The following CDC20 variants were observed in gnomAD, a reference collection of about 807,000 sequenced individuals.
CDC20 encodes the protein cell division cycle 20.
A neutral mutation model predicts 60.0 loss-of-function variants in CDC20; 34 were observed. The observed-to-expected ratio is 0.57, with a 90% CI of 0.43 to 0.75. The LOEUF (loss-of-function observed/expected upper bound fraction) is 0.75. CDC20 is among the 30% of genes least tolerant of loss of function. The pLI, the probability that CDC20 is intolerant of heterozygous loss-of-function variation, is 0.00. For synonymous variants in CDC20, 198 were observed against 243.5 expected, an observed-to-expected ratio of 0.81 and a Z score of 1.74; for missense variants, 469 against 647.3, an observed-to-expected ratio of 0.72 and a Z score of 2.99.
chr1:43,360,027 G>C lies in CDC20; in HGVS notation c.486G>C (p.Arg162=). Residue 162 remains arginine, a synonymous_variant, in exon 5 of 11, where the codon CGG becomes CGC. Coordinates refer to ENST00000310955, the MANE Select transcript of CDC20 (RefSeq NM_001255.3). The part of the protein sequence containing the change: ...YSQKATPGSS[R]KTCRYIPSLP... ...AAAAGGCCACTCCTGGCTCCAGCCG[G>C]AAGACCTGCCGTTACATTCCTTCCC... 6.2e-7 allele frequency: 1 copy of C among 1,614,178 alleles called. No homozygotes were observed. The highest frequency in any genetic ancestry group is 8.5e-7 in the Non-Finnish European group (1 of 1,180,030).
Position 43,362,959 on chromosome 1 carries a change from TC to T in CDC20, c.1333del (p.Arg445GlyfsTer3). 6.3e-7 allele frequency: 1 copy of T among 1,594,444 alleles called. No individual in the cohort carries two copies. The highest frequency in any genetic ancestry group is 8.5e-7 in the Non-Finnish European group (1 of 1,174,040). On this transcript the variant is annotated frameshift_variant, in exon 11 of 11. Transcript: ENST00000310955. LOFTEE classifies it high-confidence loss of function. ...AKVAELKGHTSRVLSLTMSPD... is the reference protein window; with the variant it reads ...AKVAELKGHTXRVLSLTMSPD... Reference sequence around the variant, plus strand: ...GTTCTCATTTGCTCCAGGTCACACATCCCGGGTCCTGAGTCTGACCATGAGC... The same window carrying T: ...GTTCTCATTTGCTCCAGGTCACACATCCGGGTCCTGAGTCTGACCATGAGC...
Position 43,360,577 on chromosome 1 carries a change from A to G in CDC20, c.832A>G (p.Ser278Gly), listed in dbSNP as rs1647168235. 6.2e-7 allele frequency: 1 copy of G among 1,613,772 alleles called. No homozygotes were observed. The highest frequency in any genetic ancestry group is 1.3e-5 in the African/African-American group (1 of 74,938). The change falls in exon 7 of 11, where the codon AGC becomes GGC. Residue 278 changes from serine (S) to glycine (G), a missense_variant. By Grantham distance (56) the Ser-to-Gly change is moderately conservative (BLOSUM62 0). Transcript: ENST00000310955. ...CCGAGTGGGCTCCCTAAGCTGGAAC[A>G]GCTATATCCTGTCCAGGTCAGTGGT... ...SARVGSLSWN[S>G]YILSSGSRSG...
Position 43,362,947 on chromosome 1 carries a change from C to G in CDC20, c.1322-4C>G, listed in dbSNP as rs1647179589. The G allele has an allele frequency of 6.3e-7, 1 of 1,586,922 alleles. No homozygotes were observed. Among genetic ancestry groups the G allele is most frequent in the Non-Finnish European group, 8.5e-7 (1 of 1,170,646 alleles). ...TTCGTATGTACTGTTCTCATTTGCTCCAGGTCACACATCCCGGGTCCTGAG... is the reference window on the plus strand; with the variant it reads ...TTCGTATGTACTGTTCTCATTTGCTGCAGGTCACACATCCCGGGTCCTGAG... On this transcript the variant is annotated splice_polypyrimidine_tract_variant and splice_region_variant and intron_variant, in intron 10 of 10. Coordinates refer to ENST00000310955, the MANE Select transcript of CDC20 (RefSeq NM_001255.3).
intron 10 of CDC20, 80 bp from the exon 11 acceptor site, chr1:43,362,867 CAAAA>C: frequency 9.3e-7 from 1 of 1,070,918 alleles, no homozygotes; most frequent in Non-Finnish European, 1.3e-6. Context: ...TCAAAAAAAA[CAAAA>C]AGGTAGGTGG....
At position 43,360,448 on chromosome 1, in the gene CDC20, G is replaced by A. The variant is rs45584136; in HGVS notation, c.754-51G>A. 7.1e-4 allele frequency: 1,146 copies of A among 1,608,310 alleles called. 11 individuals carry two copies. In the African/African-American group the frequency reaches 0.013, roughly 19 times the overall value. Reference sequence around the variant, plus strand: ...TCCCAATGGGCTTGCACAGCTGGAGGATATTAATGCCAAGTCCCAATCTCT... The same window carrying A: ...TCCCAATGGGCTTGCACAGCTGGAGAATATTAATGCCAAGTCCCAATCTCT... On this transcript the variant is annotated intron_variant, in intron 6 of 10. Transcript: ENST00000310955.
In CDC20 at chr1:43,360,605, T is replaced by TA; in HGVS notation, c.848+12_848+13insA. Reference sequence around the variant, plus strand: ...TATATCCTGTCCAGGTCAGTGGTTTTTGTTGGTCTATGGTAGTCTGATATT... The same window carrying TA: ...TATATCCTGTCCAGGTCAGTGGTTTTATGTTGGTCTATGGTAGTCTGATATT... On this transcript the variant is annotated intron_variant, in intron 7 of 10. Coordinates refer to ENST00000310955, the MANE Select transcript of CDC20 (RefSeq NM_001255.3). The TA allele has an allele frequency of 6.2e-7, 1 of 1,610,396 alleles. No homozygotes were observed. Among genetic ancestry groups the TA allele is most frequent in the South Asian group, 1.1e-5 (1 of 91,008 alleles).
chr1:43,362,357 T>C lies in CDC20; in HGVS notation c.1321+45T>C, dbSNP rs768138175. ...GCCGGACATAAAAGGCCACATAATGTATGACTGAAATGTCCAGAATAAGCA... is the reference window on the plus strand; with the variant it reads ...GCCGGACATAAAAGGCCACATAATGCATGACTGAAATGTCCAGAATAAGCA... On this transcript the variant is annotated intron_variant, in intron 10 of 10. Coordinates refer to ENST00000310955, the MANE Select transcript of CDC20 (RefSeq NM_001255.3). The C allele has an allele frequency of 3.6e-6, 3 of 830,958 alleles. No individual in the cohort carries two copies. The African/African-American group carries it at 5.0e-5, about 14-fold the overall frequency. 51.5% of individuals were successfully genotyped at this position (830,958 alleles called of 1,614,324 possible). A position where few individuals can be genotyped will look rare whatever the true frequency, so the allele number is the denominator to read the frequency against.
chr1:43,361,168 G>A lies in CDC20; in HGVS notation c.1126G>A (p.Gly376Ser). The A allele has an allele frequency of 6.2e-7, 1 of 1,613,996 alleles. No homozygotes were observed. The highest frequency in any genetic ancestry group is 8.5e-7 in the Non-Finnish European group (1 of 1,179,934). ...WQSNVLATGGGTSDRHIRIWN... is the reference protein window; with the variant it reads ...WQSNVLATGGSTSDRHIRIWN... The stretch of plus-strand genomic sequence containing the variant: ...GTCCAATGTCCTGGCAACAGGAGGG[G>A]GCACCAGTGATCGACACATTCGCAT... The change falls in exon 9 of 11, where the codon GGC (glycine) becomes AGC (serine). Residue 376 changes from glycine to serine, a missense_variant. Transcript: ENST00000310955.
chr1:43,359,958 C>T lies in CDC20; in HGVS notation c.428-11C>T, dbSNP rs369743696. ...ATTTTCCCAGCGTCTAGACTCACTC[C>T]GTTGCCACAGGTTATCAGAACAGAC... On this transcript the variant is annotated splice_polypyrimidine_tract_variant and intron_variant, in intron 4 of 10. Coordinates refer to ENST00000310955, the MANE Select transcript of CDC20 (RefSeq NM_001255.3). 6 of 1,613,936 alleles carry T rather than the reference C, an allele frequency of 3.7e-6. No individual in the cohort carries two copies. Among genetic ancestry groups the T allele is most frequent in the Middle Eastern group, 1.6e-4 (1 of 6,084 alleles).
At chr1:43,360,616 T>C (rs1255865234) in intron 7 of CDC20, 23 bp downstream of exon 7, 1 of 1,601,792 alleles carries the variant, frequency 6.2e-7, no homozygotes, top group Non-Finnish European at 8.6e-7. Context: ...TGTTGGTCTA[T>C]GGTAGTCTGA....
At chr1:43,362,427 G>C (rs1647176813) in intron 10 of CDC20, 115 bp downstream of exon 10, 1 of 620,788 alleles carries the variant, frequency 1.6e-6, no homozygotes, top group Admixed American at 2.8e-5. Context: ...GGCTGAGAGA[G>C]GGTAATGGGA....
At position 43,363,202 on chromosome 1, in the gene CDC20, A is replaced by C. The variant is rs1276853315; in HGVS notation, c.*73A>C. The C allele has an allele frequency of 6.9e-7, 1 of 1,447,144 alleles. No homozygotes were observed. The highest frequency in any genetic ancestry group is 9.6e-7 in the Non-Finnish European group (1 of 1,044,702). The allele number at this position is 1,447,144 out of a possible 1,614,324, so 89.6% of individuals were successfully genotyped here. A position where few individuals can be genotyped will look rare whatever the true frequency, so the allele number is the denominator to read the frequency against. Reference sequence around the variant, plus strand: ...TGTCTCCCTTCATGTTTTTTTTTTAAATCTGTTTCAGCTAATGCCTTTCTT... The same window carrying C: ...TGTCTCCCTTCATGTTTTTTTTTTACATCTGTTTCAGCTAATGCCTTTCTT... On this transcript the variant is annotated 3_prime_UTR_variant, in exon 11 of 11. Coordinates refer to ENST00000310955, the MANE Select transcript of CDC20 (RefSeq NM_001255.3).
At chr1:43,362,371 C>T (rs769025243) in intron 10 of CDC20, 59 bp downstream of exon 10, 9 of 748,790 alleles carry the variant, frequency 1.2e-5, no homozygotes, top group Non-Finnish European at 2.2e-5. Flanking sequence ...ACTGAAATGT[C>T]CAGAATAAGC....
intron 9 of CDC20, among the ~76,000 whole-genome samples, 199 bp downstream of exon 9, chr1:43,361,444 A>G (rs1438495183): frequency 1.3e-5 from 2 of 151,992 alleles, no homozygotes; most frequent in Non-Finnish European, 2.9e-5. Flanking sequence ...ATCTGTCCCA[A>G]ATTAACCTTG....
At position 43,360,831 on chromosome 1, in the gene CDC20, G is replaced by T. The variant is rs753367774; in HGVS notation, c.947G>T (p.Arg316Leu). The stretch of plus-strand genomic sequence containing the variant: ...CACAGCCAGGAAGTGTGTGGGCTGC[G>T]CTGGGCCCCAGATGGACGACATTTG... ...SGHSQEVCGLRWAPDGRHLAS... is the reference protein window; with the variant it reads ...SGHSQEVCGLLWAPDGRHLAS... Residue 316 changes from arginine to leucine, a missense_variant, in exon 8 of 11, where the codon CGC (arginine) becomes CTC (leucine). Arg to Leu is a moderately radical substitution (Grantham distance 102). Coordinates refer to ENST00000310955, the MANE Select transcript of CDC20 (RefSeq NM_001255.3). 6.2e-7 allele frequency: 1 copy of T among 1,614,120 alleles called. No individual in the cohort carries two copies. Among genetic ancestry groups the T allele is most frequent in the Admixed American group, 1.7e-5 (1 of 60,038 alleles).
chr1:43,362,846 CAG>C lies in CDC20; in HGVS notation c.1322-102_1322-101del, dbSNP rs1453927919. ...CGCCACTGCACTCCAGCCTGGGTGA[CAG>C]AGCAAGTCTCAAAAAAAACAAAAAG... On this transcript the variant is annotated intron_variant, in intron 10 of 10. Transcript: ENST00000310955. The C allele has an allele frequency of 8.8e-6, 7 of 797,184 alleles. No individual in the cohort carries two copies. The East Asian group carries it at 1.4e-4, about 15-fold the overall frequency. The allele number at this position is 797,184 out of a possible 1,614,324, so 49.4% of individuals were successfully genotyped here.
At position 43,360,030 on chromosome 1, in the gene CDC20, G is replaced by A. The variant is rs777550029; in HGVS notation, c.489G>A (p.Lys163=). Residue 163 remains lysine, a synonymous_variant, in exon 5 of 11, where the codon AAG becomes AAA. Coordinates refer to ENST00000310955, the MANE Select transcript of CDC20 (RefSeq NM_001255.3). The stretch of plus-strand genomic sequence containing the variant: ...AGGCCACTCCTGGCTCCAGCCGGAA[G>A]ACCTGCCGTTACATTCCTTCCCTGC... ...SQKATPGSSR[K]TCRYIPSLPD... 6.2e-7 allele frequency: 1 copy of A among 1,614,206 alleles called. No homozygotes were observed. The highest frequency in any genetic ancestry group is 8.5e-7 in the Non-Finnish European group (1 of 1,180,042).
In CDC20 at chr1:43,363,180, C is replaced by T. The variant is rs1487166849; in HGVS notation, c.*51C>T. 2 of 1,530,294 alleles carry T rather than the reference C, an allele frequency of 1.3e-6. No homozygotes were observed. Among genetic ancestry groups the T allele is most frequent in the Non-Finnish European group, 1.8e-6 (2 of 1,116,834 alleles). 94.8% of individuals were successfully genotyped at this position (1,530,294 alleles called of 1,614,324 possible). A position where few individuals can be genotyped will look rare whatever the true frequency, so the allele number is the denominator to read the frequency against. On this transcript the variant is annotated 3_prime_UTR_variant, in exon 11 of 11. Transcript: ENST00000310955. ...TTTTATTTTTCTAATAAAGTCATGT[C>T]TCCCTTCATGTTTTTTTTTTAAATC...
chr1:43,360,284 C>T lies in CDC20; in HGVS notation c.648C>T (p.Ile216=), dbSNP rs1302547237. ...TGTGGAGTGCAAGCTCTGGTGACAT[C>T]CTGCAGCTTTTGCAAATGGAGCAGC... ...VYLWSASSGD[I]LQLLQMEQPG... Residue 216 remains isoleucine, a synonymous_variant, in exon 6 of 11, where the codon ATC becomes ATT. Transcript: ENST00000310955. 11 of 1,614,162 alleles carry T rather than the reference C, an allele frequency of 6.8e-6. No individual in the cohort carries two copies. The highest frequency in any genetic ancestry group is 8.5e-6 in the Non-Finnish European group (10 of 1,180,004).
Sources: gnomAD v4.1 joint callset for allele counts (sites outside exome capture counted in the v4.1 genomes callset) on GRCh38, gnomAD v4.1.1 for gene constraint, MANE v1.5 for transcripts, NCBI Gene and HGNC (gene_info 2026-07-23, HGNC 2026-07-21) for gene names.